BMP5: variants seen among roughly 807,000 people sequenced by gnomAD.
The protein encoded by BMP5 is bone morphogenetic protein 5.
In BMP5, 23 loss-of-function variants were observed where a neutral mutation model predicts 46.6. That is an observed-to-expected ratio of 0.49 (90% CI 0.35 to 0.70). The LOEUF (loss-of-function observed/expected upper bound fraction) is 0.70. Among genes scored for constraint, BMP5 ranks in the 30% least tolerant of loss-of-function variants. BMP5 has a pLI of 0.00. For missense variants in BMP5, 545 were observed against 565.6 expected, an observed-to-expected ratio of 0.96 and a Z score of 0.37; for synonymous variants, 204 against 191.9, an observed-to-expected ratio of 1.06 and a Z score of -0.52.
At chr6:55,813,516 G>A (rs550974188) in intron 2 of BMP5, among the ~76,000 whole-genome samples, 7 of 151,500 alleles carry the variant, frequency 4.6e-5, no homozygotes, top group Admixed American at 1.3e-4. Context: ...TTGGCCGGGC[G>A]CGGTGGCTCA....
rs1562023512 is a variant in BMP5, at chr6:55,759,181, AAAC to A, written c.1105-69_1105-67del. The A allele has an allele frequency of 4.8e-5, 36 of 751,116 alleles. 2 individuals are homozygous for A. Among genetic ancestry groups the A allele is most frequent in the African/African-American group, 1.1e-4 (4 of 37,284 alleles). 46.5% of individuals were successfully genotyped at this position (751,116 alleles called of 1,614,324 possible). On this transcript the variant is annotated intron_variant, in intron 5 of 6. Transcript: ENST00000370830. ...AAAAAAAAAAAAAAAAAAAAAAAAAAAACAACAAGAAAAAATATCACCAAAGTA... is the reference window on the plus strand; with the variant it reads ...AAAAAAAAAAAAAAAAAAAAAAAAAAAACAAGAAAAAATATCACCAAAGTA...
chr6:55,838,233 G>A (rs1776869724), intron 1 of BMP5, among the ~76,000 whole-genome samples: 1 of 152,112 alleles, frequency 6.6e-6, no homozygotes, highest in Non-Finnish European at 1.5e-5. Flanking sequence ...TCTCCATAGT[G>A]GTTATACTAA....
chr6:55,822,256 A>T (rs1361949422), intron 1 of BMP5, among the ~76,000 whole-genome samples: 2 of 152,286 alleles, frequency 1.3e-5, no homozygotes, highest in East Asian at 3.9e-4. Flanking sequence ...TCTTGTATTT[A>T]CAAGTCCAAA....
chr6:55,822,709 T>C (rs992334405), intron 1 of BMP5, among the ~76,000 whole-genome samples: 4 of 152,132 alleles, frequency 2.6e-5, no homozygotes, highest in African/African-American at 9.7e-5. Context: ...TGTTATGTAA[T>C]CTACCGTTCT....
chr6:55,870,801 C>A (rs1275033166), intron 1 of BMP5, among the ~76,000 whole-genome samples: 1 of 151,968 alleles, frequency 6.6e-6, no homozygotes, highest in African/African-American at 2.4e-5. Context: ...AAGCGTTTTT[C>A]TTTCATGATA....
chr6:55,868,864 G>A (rs888329975), intron 1 of BMP5, among the ~76,000 whole-genome samples: 8 of 152,200 alleles, frequency 5.3e-5, no homozygotes, highest in Non-Finnish European at 1.0e-4. Flanking sequence ...TGTCAGGGCT[G>A]ACTAGTGTGT....
chr6:55,761,834 A>G lies in BMP5; in HGVS notation c.1028-1301T>C, dbSNP rs947962385. ...GTCTGTTTCCTCCCACTAAAATATA[A>G]GCGTCATAGGGGCAAGAATCTCGTT... On this transcript the variant is annotated intron_variant, in intron 4 of 6. Transcript: ENST00000370830. 2.0e-5 allele frequency among the ~76,000 whole-genome samples: 3 copies of G among 152,038 alleles called. No homozygotes were observed. In the South Asian group the frequency reaches 6.2e-4, roughly 32 times the overall value.
chr6:55,874,420 T>C lies in BMP5; in HGVS notation c.446A>G (p.Asn149Ser). The change falls in exon 1 of 7, where the codon AAC (asparagine) becomes AGC (serine). Residue 149 changes from asparagine (N) to serine (S), a missense_variant. Transcript: ENST00000370830. ...SPPLASLHDT[N>S]FLNDADMVMS... is the part of the protein sequence containing the mutation. The stretch of plus-strand genomic sequence containing the variant: ...GACCATGTCAGCATCATTCAGAAAG[T>C]TGGTATCATGGAGGCTGGCTAGAGG... 3.1e-6 allele frequency: 5 copies of C among 1,613,070 alleles called. No homozygotes were observed. The South Asian group carries it at 5.5e-5, about 18-fold the overall frequency.
intron 3 of BMP5, 33 bp downstream of exon 3, chr6:55,794,246 T>G: frequency 6.2e-7 from 1 of 1,612,676 alleles, no homozygotes; most frequent in Non-Finnish European, 8.5e-7. Flanking sequence ...TCAAACAAGC[T>G]TCACAAAAAA....
intron 2 of BMP5, among the ~76,000 whole-genome samples, chr6:55,802,519 A>G (rs1303023670): frequency 6.6e-6 from 1 of 152,142 alleles, no homozygotes; most frequent in African/African-American, 2.4e-5. Context: ...AGACACTTCA[A>G]CAATAAATAT....
chr6:55,802,074 T>C (rs1775862239), intron 2 of BMP5, among the ~76,000 whole-genome samples: 1 of 152,158 alleles, frequency 6.6e-6, no homozygotes, highest in Non-Finnish European at 1.5e-5. Flanking sequence ...AGATGTCTCA[T>C]GGTCTGGAAA....
At chr6:55,836,263 G>A (rs1776791058) in intron 1 of BMP5, among the ~76,000 whole-genome samples, 1 of 152,088 alleles carries the variant, frequency 6.6e-6, no homozygotes, top group African/African-American at 2.4e-5. Context: ...CTACTGTTCA[G>A]ACTAAGCTTG....
intron 1 of BMP5, among the ~76,000 whole-genome samples, chr6:55,827,505 C>A (rs1279302374): frequency 6.6e-6 from 1 of 151,632 alleles, no homozygotes; most frequent in African/African-American, 2.4e-5. Flanking sequence ...TGAAGGTTCA[C>A]AAATTGCCAA....
chr6:55,817,192 CGATTCCTCAAG>C (rs1554183506), intron 2 of BMP5, among the ~76,000 whole-genome samples: 1 of 152,108 alleles, frequency 6.6e-6, no homozygotes, highest in Non-Finnish European at 1.5e-5. Flanking sequence ...GATACTGTGG[CGATTCCTCAAG>C]GATCTAGAAC....
chr6:55,857,102 A>G (rs1053363088), intron 1 of BMP5, among the ~76,000 whole-genome samples: 1 of 152,326 alleles, frequency 6.6e-6, no homozygotes, highest in African/African-American at 2.4e-5. Context: ...ACTTACTAAT[A>G]TAAAATTTTG....
chr6:55,754,136 G>A lies in BMP5; in HGVS notation c.*1397C>T, dbSNP rs1171895752. 6.6e-6 allele frequency: 1 copy of A among 151,872 alleles called. No individual in the cohort carries two copies. The highest frequency in any genetic ancestry group is 1.5e-5 in the Non-Finnish European group (1 of 67,906). 9.4% of individuals were successfully genotyped at this position (151,872 alleles called of 1,614,324 possible). The stretch of plus-strand genomic sequence containing the variant: ...GATCCAAAAGGATGATTAATAAATG[G>A]TGCTTTATGAATACTTTAGATTAAC... On this transcript the variant is annotated 3_prime_UTR_variant, in exon 7 of 7. Coordinates refer to ENST00000370830, the MANE Select transcript of BMP5 (RefSeq NM_021073.4).
At chr6:55,785,063 A>G (rs1318376460) in intron 3 of BMP5, among the ~76,000 whole-genome samples, 1 of 151,850 alleles carries the variant, frequency 6.6e-6, no homozygotes, top group Non-Finnish European at 1.5e-5. Context: ...TATTTATTTG[A>G]TTTCAGTTGT....
rs16887285 is a variant in BMP5 at position 55,848,253 on chromosome 6, T to C, written c.490+26123A>G. Among the ~76,000 whole-genome samples, 953 of 152,090 alleles carry C rather than the reference T, an allele frequency of 6.3e-3. 30 individuals are homozygous for C. In the East Asian group the frequency reaches 0.077, roughly 12 times the overall value. On this transcript the variant is annotated intron_variant, in intron 1 of 6. Coordinates refer to ENST00000370830, the MANE Select transcript of BMP5 (RefSeq NM_021073.4). The stretch of plus-strand genomic sequence containing the variant: ...GCAAAAATTCAGCTGACTCCTGGTT[T>C]CTGGTTGACCAACAGCTGTCACTTT...
In BMP5 at chr6:55,869,489, A is replaced by G. The variant is rs571232567; in HGVS notation, c.490+4887T>C. 1.1e-3 allele frequency among the ~76,000 whole-genome samples: 164 copies of G among 152,198 alleles called. No homozygotes were observed. The Middle Eastern group carries it at 0.037, about 35-fold the overall frequency. ...TCATTATCTCTTTTCAAAAAAAAAT[A>G]ATTTCTTCATGGAAGTGACAGAATA... On this transcript the variant is annotated intron_variant, in intron 1 of 6. Transcript: ENST00000370830.
Sources: gnomAD v4.1 joint callset for allele counts (sites outside exome capture counted in the v4.1 genomes callset) on GRCh38, gnomAD v4.1.1 for gene constraint, MANE v1.5 for transcripts, NCBI Gene and HGNC (gene_info 2026-07-23, HGNC 2026-07-21) for gene names.